Variants in KANK4 observed in about 807,000 individuals in gnomAD.
The protein encoded by KANK4 is KN motif and ankyrin repeat domain-containing protein 4.
Under a neutral mutation model 80.8 loss-of-function variants are expected in KANK4, and 50 were observed. The ratio of observed to expected loss-of-function variants is 0.62; its 90% CI spans 0.49 to 0.78. The LOEUF (loss-of-function observed/expected upper bound fraction) is 0.78, where lower values mean the gene tolerates loss of function less well. KANK4 is among the 30% of genes least tolerant of loss of function. KANK4 has a pLI of 0.00. For missense variants in KANK4, 1,196 were observed against 1,240.1 expected (o/e 0.96, Z 0.53); for synonymous variants, 465 against 506.9 (o/e 0.92, Z 1.11).
At chr1:62,254,994 T>C (rs1293429202) in intron 7 of KANK4, among the ~76,000 whole-genome samples, 1 of 148,720 alleles carries the variant, frequency 6.7e-6, no homozygotes, top group Non-Finnish European at 1.5e-5. Context: ...CAAGTGATTC[T>C]CCTGCCTCAG....
chr1:62,268,213 G>T, intron 5 of KANK4, 74 bp downstream of exon 5: 1 of 1,151,622 alleles, frequency 8.7e-7, no homozygotes, highest in Non-Finnish European at 1.3e-6. Flanking sequence ...ACAAATGATC[G>T]CATGAACGGG....
rs2941679 is a variant in KANK4 at position 62,247,552 on chromosome 1, C to G, written c.2803G>C (p.Val935Leu). 0.97 allele frequency: 1,558,599 copies of G among 1,614,098 alleles called. 752,646 individuals carry two copies. Among genetic ancestry groups the G allele is most frequent in the East Asian group, 1 (44,817 of 44,828 alleles). The change falls in exon 9 of 10, where the codon GTG becomes CTG. Residue 935 changes from valine (V) to leucine (L), a missense_variant. Coordinates refer to ENST00000371153, the MANE Select transcript of KANK4 (RefSeq NM_181712.5). ...TCCACGTTGCCATGGTGACAGGCCA[C>G]CATGAGGGCCGAGGATCCATCGTGG... ...QDHDGSSALM[V>L]ACHHGNVDLV...
chr1:62,277,730 A>G (rs1003640167), intron 2 of KANK4, among the ~76,000 whole-genome samples: 2 of 152,230 alleles, frequency 1.3e-5, no homozygotes, highest in Admixed American at 1.3e-4. Context: ...CAGTCACCCT[A>G]GCCCAGATGC....
intron 7 of KANK4, among the ~76,000 whole-genome samples, chr1:62,256,720 C>G (rs1280209510): frequency 6.6e-6 from 1 of 152,070 alleles, no homozygotes; most frequent in East Asian, 1.9e-4. Context: ...AGAAGTGTGC[C>G]ATGAAAATAC....
At chr1:62,262,507 T>C (rs931304983) in intron 7 of KANK4, among the ~76,000 whole-genome samples, 2 of 152,058 alleles carry the variant, frequency 1.3e-5, no homozygotes, top group African/African-American at 2.4e-5. Context: ...CAATTCACAA[T>C]TGCAAAGACA....
At chr1:62,262,845 C>A (rs1010837233) in intron 7 of KANK4, among the ~76,000 whole-genome samples, 1 of 151,928 alleles carries the variant, frequency 6.6e-6, no homozygotes, top group South Asian at 2.1e-4. Context: ...GCATAATGGA[C>A]AATTATACCA....
At chr1:62,301,773 C>T (rs940584218) in intron 1 of KANK4, among the ~76,000 whole-genome samples, 1 of 152,052 alleles carries the variant, frequency 6.6e-6, no homozygotes, top group East Asian at 1.9e-4. Context: ...ACAGTGCCTG[C>T]AGTGGGGATT....
At position 62,253,397 on chromosome 1, in the gene KANK4, T is replaced by C. The variant is rs533358636; in HGVS notation, c.2540-188A>G. On this transcript the variant is annotated intron_variant, in intron 7 of 9. Coordinates refer to ENST00000371153, the MANE Select transcript of KANK4 (RefSeq NM_181712.5). ...AAGATGGTTTCTTTTCTTTTCTTTT[T>C]TTTCTTTCTTTCTTTTTTTTTTTTT... 8.6e-5 allele frequency among the ~76,000 whole-genome samples: 12 copies of C among 139,144 alleles called. No homozygotes were observed. The East Asian group carries it at 9.5e-4, about 11-fold the overall frequency. The allele number at this position is 139,144 out of a possible 152,430, so 91.3% of individuals were successfully genotyped here. A position where few individuals can be genotyped will look rare whatever the true frequency, so the allele number is the denominator to read the frequency against.
At chr1:62,253,409 C>CTTTTTTTTTTTTTTTTTTTT (rs34488630) in intron 7 of KANK4, among the ~76,000 whole-genome samples, 200 bp from the exon 8 acceptor site, 9 of 110,982 alleles carry the variant, frequency 8.1e-5, no homozygotes, top group East Asian at 2.8e-4. Context: ...TTCTTTCTTT[C>CTTTTTTTTTTTTTTTTTTTT]TTTTTTTTTT....
chr1:62,246,237 G>A (rs1399682349), intron 9 of KANK4, among the ~76,000 whole-genome samples: 4 of 152,124 alleles, frequency 2.6e-5, no homozygotes, highest in South Asian at 2.1e-4. Flanking sequence ...GTCACCTTAC[G>A]AGGAAGTTTA....
intron 1 of KANK4, among the ~76,000 whole-genome samples, chr1:62,281,870 G>T (rs1672458565): frequency 6.6e-6 from 1 of 152,136 alleles, no homozygotes; most frequent in Non-Finnish European, 1.5e-5. Context: ...GGAAGTATTT[G>T]GTCCAGCGGT....
At chr1:62,299,604 C>G (rs1025790932) in intron 1 of KANK4, among the ~76,000 whole-genome samples, 3 of 152,170 alleles carry the variant, frequency 2.0e-5, no homozygotes, top group African/African-American at 7.2e-5. Flanking sequence ...AGACACCCAG[C>G]AAGCAATCAG....
intron 7 of KANK4, among the ~76,000 whole-genome samples, chr1:62,260,534 G>C (rs986663172): frequency 6.6e-6 from 1 of 151,998 alleles, no homozygotes; most frequent in African/African-American, 2.4e-5. Context: ...CTCTCCGAAG[G>C]CTCTCCCACC....
Position 62,311,451 on chromosome 1 carries a change from G to C in KANK4, c.-71+7655C>G, listed in dbSNP as rs191398172. Among the ~76,000 whole-genome samples, 25 of 152,144 alleles carry C rather than the reference G, an allele frequency of 1.6e-4. No individual in the cohort carries two copies. The East Asian group carries it at 4.3e-3, about 26-fold the overall frequency. On this transcript the variant is annotated intron_variant, in intron 1 of 9. Coordinates refer to ENST00000371153, the MANE Select transcript of KANK4 (RefSeq NM_181712.5). ...TACTCTAATAAATATTGCTCCAGTAGACGCTCCTGTTTCCTGGCTTCCTCC... is the reference window on the plus strand; with the variant it reads ...TACTCTAATAAATATTGCTCCAGTACACGCTCCTGTTTCCTGGCTTCCTCC...
chr1:62,298,364 T>A (rs1409446461), intron 1 of KANK4: 1 of 152,214 alleles, frequency 6.6e-6, no homozygotes, highest in Non-Finnish European at 1.5e-5. Flanking sequence ...AAACTGTAGT[T>A]CATTGTTTCT....
intron 7 of KANK4, among the ~76,000 whole-genome samples, chr1:62,260,589 G>A (rs190140752): frequency 4.6e-5 from 7 of 152,174 alleles, no homozygotes; most frequent in Admixed American, 3.9e-4. Context: ...CAAGCCTGTC[G>A]CTTTGCTCCT....
intron 1 of KANK4, among the ~76,000 whole-genome samples, chr1:62,285,853 C>T (rs1672553170): frequency 6.6e-6 from 1 of 152,136 alleles, no homozygotes; most frequent in South Asian, 2.1e-4. Flanking sequence ...CCTCTTTCCC[C>T]ATCCCAGGAC....
intron 1 of KANK4, among the ~76,000 whole-genome samples, chr1:62,296,583 G>A (rs4915608): frequency 0.72 from 108,935 of 151,776 alleles, 40,511 homozygotes; most frequent in African/African-American, 0.91. Context: ...ACAGGGTCTC[G>A]CTCTGACACC....
At chr1:62,254,966 A>C (rs1212195191) in intron 7 of KANK4, among the ~76,000 whole-genome samples, 14 of 137,606 alleles carry the variant, frequency 1.0e-4, no homozygotes, top group Admixed American at 8.0e-5. Flanking sequence ...GTTCACTGCA[A>C]CCTCCATCTC....
Sources: allele counts gnomAD v4.1 joint callset (sites outside exome capture counted in the v4.1 genomes callset), GRCh38; gene constraint gnomAD v4.1.1; transcripts MANE v1.5; gene names NCBI Gene and HGNC (gene_info 2026-07-23, HGNC 2026-07-21).